METRN: variants seen among roughly 807,000 people sequenced by gnomAD.
METRN encodes meteorin.
In METRN, 17 loss-of-function variants were observed where a neutral mutation model predicts 17.4. The ratio of observed to expected loss-of-function variants is 0.98; its 90% CI spans 0.67 to 1.46. The LOEUF is 1.46. Among genes scored for constraint, METRN ranks in the 40% most tolerant of loss-of-function variants. The probability of loss-of-function intolerance (pLI) is 0.00; values close to 1 mark genes in which losing one functional copy is unlikely to be tolerated. For missense variants in METRN, 489 were observed against 456.2 expected (o/e 1.07, Z -0.65); for synonymous variants, 230 against 210.8 (o/e 1.09, Z -0.79).
At position 717,429 on chromosome 16, in the gene METRN, GC is replaced by G. The variant is rs200058945; in HGVS notation, c.*45del. On this transcript the variant is annotated 3_prime_UTR_variant, in exon 4 of 4. Coordinates refer to ENST00000568223, the MANE Select transcript of METRN (RefSeq NM_024042.4). Reference sequence around the variant, plus strand: ...GAGGGGCTGGTAGGAGGGAGGGTGGGCCCACTGCTTTGGAGGTGATGGGACT... The same window carrying G: ...GAGGGGCTGGTAGGAGGGAGGGTGGGCCACTGCTTTGGAGGTGATGGGACT... 1 of 1,343,556 alleles carries G rather than the reference GC, an allele frequency of 7.4e-7. No individual in the cohort carries two copies. The highest frequency in any genetic ancestry group is 9.7e-7 in the Non-Finnish European group (1 of 1,033,342). The allele number at this position is 1,343,556 out of a possible 1,614,324, so 83.2% of individuals were successfully genotyped here. A position where few individuals can be genotyped will look rare whatever the true frequency, so the allele number is the denominator to read the frequency against.
At chr16:716,863 C>T in intron 2 of METRN, 70 bp from the exon 3 acceptor site, 1 of 1,500,578 alleles carries the variant, frequency 6.7e-7, no homozygotes, top group South Asian at 1.3e-5. Context: ...CTTGTGCGGA[C>T]AAGGGACGGG....
chr16:717,026 C>CTGCCTTCCCCTGAA, intron 3 of METRN, 34 bp downstream of exon 3: 4 of 1,611,510 alleles, frequency 2.5e-6, no homozygotes, highest in Non-Finnish European at 3.4e-6. Flanking sequence ...AGCCTGGAGC[C>CTGCCTTCCCCTGAA]TGCCTTCCCC....
rs141324044 is a variant in METRN, at chr16:717,742, C to T, written c.*355C>T. On this transcript the variant is annotated 3_prime_UTR_variant, in exon 4 of 4. Transcript: ENST00000568223. ...TCTGCTCTGCTGCACCCACCAGCCCCGTCCTTGCCCGCACCCTTGCCTGCT... is the reference window on the plus strand; with the variant it reads ...TCTGCTCTGCTGCACCCACCAGCCCTGTCCTTGCCCGCACCCTTGCCTGCT... 8.9e-5 allele frequency: 21 copies of T among 237,108 alleles called. 1 individual carries two copies. The East Asian group carries it at 1.4e-3, about 16-fold the overall frequency. The allele number at this position is 237,108 out of a possible 1,614,324, so 14.7% of individuals were successfully genotyped here.
rs374935448 is a variant in METRN, at chr16:718,594, G to GC, written c.*1207_*1208insC. Reference sequence around the variant, plus strand: ...GTGCCATGCCCTCTGTGGACACCTGGGGAGGGGGGTCACCTCCAGCGCCGC... The same window carrying GC: ...GTGCCATGCCCTCTGTGGACACCTGGCGGAGGGGGGTCACCTCCAGCGCCGC... On this transcript the variant is annotated 3_prime_UTR_variant, in exon 4 of 4. Transcript: ENST00000568223. 1 of 149,516 alleles carries GC rather than the reference G, an allele frequency of 6.7e-6. No individual in the cohort carries two copies. Among genetic ancestry groups the GC allele is most frequent in the African/African-American group, 2.6e-5 (1 of 38,446 alleles). 9.3% of individuals were successfully genotyped at this position (149,516 alleles called of 1,614,324 possible). A position where few individuals can be genotyped will look rare whatever the true frequency, so the allele number is the denominator to read the frequency against.
chr16:716,050 G>C, intron 2 of METRN, 66 bp downstream of exon 2: 1 of 1,376,796 alleles, frequency 7.3e-7, no homozygotes, highest in South Asian at 1.6e-5. Flanking sequence ...GGCTTGGCGG[G>C]AATGTGCCTT....
intron 2 of METRN, 131 bp from the exon 3 acceptor site, chr16:716,802 C>G (rs538852987): frequency 6.6e-7 from 1 of 1,515,762 alleles, no homozygotes; most frequent in Admixed American, 2.0e-5. Flanking sequence ...CCCCCAGGTG[C>G]CATCAGGCCC....
intron 1 of METRN, 63 bp from the exon 2 acceptor site, chr16:715,521 G>A: frequency 3.1e-6 from 4 of 1,283,090 alleles, no homozygotes; most frequent in Non-Finnish European, 3.9e-6. Context: ...TCGGGAGGGA[G>A]CGGGGGCTGC....
rs1283466354 is a variant in METRN, at chr16:715,883, C to T, written c.404C>T (p.Pro135Leu). The change falls in exon 2 of 4, where the codon CCG (proline) becomes CTG (leucine). Residue 135 changes from proline (P) to leucine (L), a missense_variant. Pro to Leu is a moderately conservative substitution (Grantham distance 98). Transcript: ENST00000568223. ...CGGGCCCTCTTCCTGCAGGCCACGC[C>T]GCACCAGGACATCAGCCGCCGCGTG... ...ERRALFLQAT[P>L]HQDISRRVAA... 2 of 1,442,890 alleles carry T rather than the reference C, an allele frequency of 1.4e-6. No homozygotes were observed. Among genetic ancestry groups the T allele is most frequent in the South Asian group, 1.4e-5 (1 of 73,014 alleles). The allele number at this position is 1,442,890 out of a possible 1,614,324, so 89.4% of individuals were successfully genotyped here.
chr16:716,047 C>A (rs1358403300), intron 2 of METRN, 63 bp downstream of exon 2: 2 of 1,374,812 alleles, frequency 1.5e-6, no homozygotes, highest in Non-Finnish European at 1.9e-6. Flanking sequence ...CTGGGCTTGG[C>A]GGGAATGTGC....
chr16:716,850 C>T, intron 2 of METRN, 83 bp from the exon 3 acceptor site: 2 of 1,493,268 alleles, frequency 1.3e-6, no homozygotes, highest in Non-Finnish European at 1.8e-6. Flanking sequence ...CTGCCTCCTG[C>T]CGCTTGTGCG....
chr16:716,943 G>T lies in METRN; in HGVS notation c.516G>T (p.Arg172Ser). The change falls in exon 3 of 4, where the codon AGG (arginine) becomes AGT (serine). Residue 172 changes from arginine to serine, a missense_variant. Arg to Ser is a moderately radical substitution (Grantham distance 110). Transcript: ENST00000568223. ...AHGLGVDGAC[R>S]PCSDAELLLA... The stretch of plus-strand genomic sequence containing the variant: ...CCCTCTGCATGCCAGGTGCCTGCAG[G>T]CCCTGCAGCGACGCTGAGCTGCTCC... 6.4e-7 allele frequency: 1 copy of T among 1,566,776 alleles called. No homozygotes were observed. Among genetic ancestry groups the T allele is most frequent in the Non-Finnish European group, 8.7e-7 (1 of 1,154,206 alleles).
Position 715,635 on chromosome 16 carries a change from G to C in METRN, c.156G>C (p.Ala52=). 1 of 1,435,868 alleles carries C rather than the reference G, an allele frequency of 7.0e-7. No homozygotes were observed. Among genetic ancestry groups the C allele is most frequent in the Non-Finnish European group, 9.1e-7 (1 of 1,099,758 alleles). The allele number at this position is 1,435,868 out of a possible 1,614,324, so 88.9% of individuals were successfully genotyped here. The change falls in exon 2 of 4, where the codon GCG becomes GCC. Residue 52 remains alanine, a synonymous_variant. Coordinates refer to ENST00000568223, the MANE Select transcript of METRN (RefSeq NM_024042.4). ...GSVGQLALAC[A]EGAVEWLYPA... is the part of the protein sequence containing the mutation. Reference sequence around the variant, plus strand: ...TGGGGCAGCTGGCCCTGGCCTGTGCGGAGGGCGCGGTTGAGTGGCTGTACC... The same window carrying C: ...TGGGGCAGCTGGCCCTGGCCTGTGCCGAGGGCGCGGTTGAGTGGCTGTACC...
chr16:719,300 C>T lies in METRN; in HGVS notation c.*1913C>T, dbSNP rs1421705570. 1 of 152,264 alleles carries T rather than the reference C, an allele frequency of 6.6e-6. No individual in the cohort carries two copies. Among genetic ancestry groups the T allele is most frequent in the African/African-American group, 2.4e-5 (1 of 41,444 alleles). 9.4% of individuals were successfully genotyped at this position (152,264 alleles called of 1,614,324 possible). ...CCCAAATGGGTCTTGGAGCATTAGACCAGGGGCTTCATGCCTGCCCTGGGG... is the reference window on the plus strand; with the variant it reads ...CCCAAATGGGTCTTGGAGCATTAGATCAGGGGCTTCATGCCTGCCCTGGGG... On this transcript the variant is annotated 3_prime_UTR_variant, in exon 4 of 4. Coordinates refer to ENST00000568223, the MANE Select transcript of METRN (RefSeq NM_024042.4).
In METRN at chr16:716,811, C is replaced by T. The variant is rs1276497572; in HGVS notation, c.506-122C>T. 59 of 1,510,536 alleles carry T rather than the reference C, an allele frequency of 3.9e-5. No individual in the cohort carries two copies. The Admixed American group carries it at 8.2e-4, about 21-fold the overall frequency. 93.6% of individuals were successfully genotyped at this position (1,510,536 alleles called of 1,614,324 possible). On this transcript the variant is annotated intron_variant, in intron 2 of 3. Coordinates refer to ENST00000568223, the MANE Select transcript of METRN (RefSeq NM_024042.4). The stretch of plus-strand genomic sequence containing the variant: ...CTGGGACCCCCAGGTGCCATCAGGC[C>T]CTGAGCGTGGGCTCTGCTCATTTGC...
In METRN at chr16:717,742, C is replaced by G. The variant is rs141324044; in HGVS notation, c.*355C>G. The G allele has an allele frequency of 8.4e-6, 2 of 237,108 alleles. No homozygotes were observed. Among genetic ancestry groups the G allele is most frequent in the South Asian group, 1.7e-4 (1 of 5,852 alleles). 14.7% of individuals were successfully genotyped at this position (237,108 alleles called of 1,614,324 possible). A position where few individuals can be genotyped will look rare whatever the true frequency, so the allele number is the denominator to read the frequency against. The stretch of plus-strand genomic sequence containing the variant: ...TCTGCTCTGCTGCACCCACCAGCCC[C>G]GTCCTTGCCCGCACCCTTGCCTGCT... On this transcript the variant is annotated 3_prime_UTR_variant, in exon 4 of 4. Coordinates refer to ENST00000568223, the MANE Select transcript of METRN (RefSeq NM_024042.4).
chr16:716,723 C>T (rs1412977436), intron 2 of METRN: 1 of 1,535,326 alleles, frequency 6.5e-7, no homozygotes, highest in South Asian at 1.2e-5. Context: ...GAGGTACGCG[C>T]CTGCAAGTGT....
In METRN at chr16:717,145, C is replaced by T. The variant is rs749555984; in HGVS notation, c.640C>T (p.Arg214Cys). The T allele has an allele frequency of 6.2e-6, 10 of 1,601,758 alleles. No homozygotes were observed. The highest frequency in any genetic ancestry group is 4.0e-5 in the African/African-American group (3 of 74,742). The change falls in exon 4 of 4, where the codon CGT becomes TGT. Residue 214 changes from arginine to cysteine, a missense_variant. Transcript: ENST00000568223. ...QESVITVVAA[R>C]VLRQTPPLFQ... ...GTCTGTCATCACTGTGGTGGCCGCCCGTGTCCTCCGCCAGACACCGCCGCT... is the reference window on the plus strand; with the variant it reads ...GTCTGTCATCACTGTGGTGGCCGCCTGTGTCCTCCGCCAGACACCGCCGCT...
At position 715,373 on chromosome 16, in the gene METRN, G is replaced by A. The variant is rs1317606585; in HGVS notation, c.84G>A (p.Glu28=). Residue 28 remains glutamate (E), a synonymous_variant, in exon 1 of 4, where the codon GAG becomes GAA. Coordinates refer to ENST00000568223, the MANE Select transcript of METRN (RefSeq NM_024042.4). ...APAARAGYSE[E]RCSWRGSGLT... is the part of the protein sequence containing the mutation. ...CTGCCCGCGCCGGCTACTCCGAGGA[G>A]CGCTGCAGCTGGAGGGGCAGGTACG... 3.1e-5 allele frequency: 41 copies of A among 1,335,782 alleles called. No homozygotes were observed. The highest frequency in any genetic ancestry group is 3.8e-5 in the Non-Finnish European group (40 of 1,044,878). The allele number at this position is 1,335,782 out of a possible 1,614,324, so 82.7% of individuals were successfully genotyped here.
chr16:715,545 C>T (rs1194434625), intron 1 of METRN, 39 bp from the exon 2 acceptor site: 2 of 1,292,470 alleles, frequency 1.5e-6, no homozygotes, highest in Non-Finnish European at 9.8e-7. Flanking sequence ...GGGCGGGGAC[C>T]CGCCCCCGTC....
Sources: allele counts gnomAD v4.1 joint callset, GRCh38; gene constraint gnomAD v4.1.1; transcripts MANE v1.5; gene names NCBI Gene and HGNC (gene_info 2026-07-23, HGNC 2026-07-21).